The following PRKDC variants were observed in gnomAD, a reference collection of about 807,000 sequenced individuals.
PRKDC encodes DNA-dependent protein kinase catalytic subunit.
A neutral mutation model predicts 486.9 loss-of-function variants in PRKDC; 82 were observed. The ratio of observed to expected loss-of-function variants is 0.17; its 90% CI spans 0.14 to 0.20. The LOEUF (loss-of-function observed/expected upper bound fraction) is 0.20, where lower values mean the gene tolerates loss of function less well. Among genes scored for constraint, PRKDC ranks in the 10% least tolerant of loss-of-function variants. The probability of loss-of-function intolerance (pLI) is 1.00; values close to 1 mark genes in which losing one functional copy is unlikely to be tolerated. For synonymous variants in PRKDC, 1,895 were observed against 1,837.0 expected (o/e 1.03, Z -0.81); for missense variants, 4,504 against 5,038.2 (o/e 0.89, Z 3.21).
chr8:47,880,723 G>A (rs2089195346), intron 38 of PRKDC, among the ~76,000 whole-genome samples: 2 of 152,032 alleles, frequency 1.3e-5, no homozygotes, highest in South Asian at 4.1e-4. Flanking sequence ...AAACACAAAT[G>A]TTAATTCATC....
At position 47,863,476 on chromosome 8, in the gene PRKDC, A is replaced by C. The variant is rs1461664725; in HGVS notation, c.5673T>G (p.Ala1891=). Residue 1891 remains alanine, a synonymous_variant, in exon 42 of 86, where the codon GCT becomes GCG. Coordinates refer to ENST00000314191, the MANE Select transcript of PRKDC (RefSeq NM_006904.7). ...AAACTTGATTAATTTTTGATTCCTT[A>C]GCATGAACATCATCTTTGGGAAGGC... ...YSRLPKDDVH[A]KESKINQVFH... is the part of the protein sequence containing the mutation. The C allele has an allele frequency of 6.2e-7, 1 of 1,612,176 alleles. No homozygotes were observed. Among genetic ancestry groups the C allele is most frequent in the African/African-American group, 1.3e-5 (1 of 74,890 alleles).
chr8:47,789,142 T>C lies in PRKDC; in HGVS notation c.10758+9A>G. Reference sequence around the variant, plus strand: ...ATGTTTTATGTGCCAGAAGCCGTTCTATCATTACCTTAAAGAGCAGTTCAG... The same window carrying C: ...ATGTTTTATGTGCCAGAAGCCGTTCCATCATTACCTTAAAGAGCAGTTCAG... On this transcript the variant is annotated intron_variant, in intron 75 of 85. Coordinates refer to ENST00000314191, the MANE Select transcript of PRKDC (RefSeq NM_006904.7). 6.2e-7 allele frequency: 1 copy of C among 1,613,098 alleles called. No homozygotes were observed. Among genetic ancestry groups the C allele is most frequent in the Non-Finnish European group, 8.5e-7 (1 of 1,179,330 alleles).
chr8:47,819,541 T>G, intron 66 of PRKDC, 31 bp from the exon 67 acceptor site: 1 of 1,110,114 alleles, frequency 9.0e-7, no homozygotes, highest in Non-Finnish European at 1.3e-6. Flanking sequence ...AAAAGGGCAT[T>G]TACAAATGCC....
chr8:47,926,881 A>C (rs2090165729), intron 21 of PRKDC: 1 of 199,168 alleles, frequency 5.0e-6, no homozygotes, highest in South Asian at 1.8e-4. Flanking sequence ...TTATTCAACA[A>C]GTTTTTTTTG....
chr8:47,943,359 C>A lies in PRKDC; in HGVS notation c.816G>T (p.Leu272Phe). ...LKRYAVPSAG[L>F]RLFALHASQF... ...GAGATGCATGCAGGGCAAATAGGCG[C>A]AAGCCAGCTGCAAATGCAAATGCCA... Residue 272 changes from leucine to phenylalanine, a missense_variant, in exon 10 of 86, where the codon TTG becomes TTT. By Grantham distance (22) the Leu-to-Phe change is conservative. Around this residue, in one of 6 missense-constraint regions of PRKDC, gnomAD observed 1,969 missense variants for 2,068.9 expected, o/e 0.95. Transcript: ENST00000314191. 6.3e-7 allele frequency: 1 copy of A among 1,599,750 alleles called. No homozygotes were observed. The highest frequency in any genetic ancestry group is 8.5e-7 in the Non-Finnish European group (1 of 1,174,742).
chr8:47,837,282 T>A lies in PRKDC; in HGVS notation c.7691A>T (p.Glu2564Val). 3 of 1,613,948 alleles carry A rather than the reference T, an allele frequency of 1.9e-6. No homozygotes were observed. Among genetic ancestry groups the A allele is most frequent in the Non-Finnish European group, 2.5e-6 (3 of 1,179,860 alleles). ...ATAATCTGGGCTCATGCTGGTCATTTCGAGCAGAAAATTTGTTGCTAAACT... is the reference window on the plus strand; with the variant it reads ...ATAATCTGGGCTCATGCTGGTCATTACGAGCAGAAAATTTGTTGCTAAACT... ...FLSLATNFLL[E>V]MTSMSPDYPN... The change falls in exon 57 of 86, where the codon GAA (glutamate) becomes GTA (valine). Residue 2564 changes from glutamate (E) to valine (V), a missense_variant. Physicochemically the swap from Glu to Val is moderately radical, Grantham distance 121. Around this residue, in one of 6 missense-constraint regions of PRKDC, gnomAD observed 1,592 missense variants for 1,724.6 expected, o/e 0.92. Coordinates refer to ENST00000314191, the MANE Select transcript of PRKDC (RefSeq NM_006904.7).
intron 35 of PRKDC, 48 bp downstream of exon 35, chr8:47,887,499 G>A (rs940625332): frequency 1.4e-6 from 2 of 1,452,406 alleles, no homozygotes; most frequent in Non-Finnish European, 9.1e-7. Flanking sequence ...AGTGACATAT[G>A]TATTTCTATT....
In PRKDC at chr8:47,900,486, G is replaced by T. The variant is rs768355732; in HGVS notation, c.3270-19C>A. 6.4e-7 allele frequency: 1 copy of T among 1,567,182 alleles called. No individual in the cohort carries two copies. Among genetic ancestry groups the T allele is most frequent in the Non-Finnish European group, 8.7e-7 (1 of 1,149,028 alleles). Reference sequence around the variant, plus strand: ...TTCTTCCCTGTAAAATAAAGAATAGGAAACCTCACCTAAGAAAACAATAAA... The same window carrying T: ...TTCTTCCCTGTAAAATAAAGAATAGTAAACCTCACCTAAGAAAACAATAAA... On this transcript the variant is annotated intron_variant, in intron 27 of 85. Coordinates refer to ENST00000314191, the MANE Select transcript of PRKDC (RefSeq NM_006904.7).
At chr8:47,855,767 C>G (rs1012692122) in intron 49 of PRKDC, among the ~76,000 whole-genome samples, 2 of 152,218 alleles carry the variant, frequency 1.3e-5, no homozygotes. Context: ...CTCAGCTCTT[C>G]CCTATAAAAC....
intron 7 of PRKDC, among the ~76,000 whole-genome samples, chr8:47,948,591 C>T (rs1358606961): frequency 1.3e-5 from 2 of 150,862 alleles, no homozygotes; most frequent in African/African-American, 2.4e-5. Context: ...TCCTGAGTAG[C>T]TGGGATTACA....
rs2089946578 is a variant in PRKDC, at chr8:47,913,888, A to G, written c.2781+13T>C. On this transcript the variant is annotated intron_variant, in intron 24 of 85. Transcript: ENST00000314191. ...AGGATCTAAATAATGGGTGAAATGA[A>G]AAATAGAAGTACTTTAGTTTGTCTG... 6.3e-7 allele frequency: 1 copy of G among 1,587,480 alleles called. No individual in the cohort carries two copies.
intron 24 of PRKDC, among the ~76,000 whole-genome samples, chr8:47,913,675 G>A (rs2089942900): frequency 6.6e-6 from 1 of 152,204 alleles, no homozygotes; most frequent in Non-Finnish European, 1.5e-5. Context: ...TTACAGGCAT[G>A]AGCCACCATG....
At chr8:47,836,009 C>A (rs1047923607) in intron 58 of PRKDC, among the ~76,000 whole-genome samples, 1 of 152,158 alleles carries the variant, frequency 6.6e-6, no homozygotes, top group South Asian at 2.1e-4. Context: ...CTCAACTGAT[C>A]CTCCTGCCCC....
intron 10 of PRKDC, among the ~76,000 whole-genome samples, chr8:47,942,749 G>C (rs1389969616): frequency 6.6e-6 from 1 of 152,202 alleles, no homozygotes; most frequent in Non-Finnish European, 1.5e-5. Flanking sequence ...GACCAGACAA[G>C]CTTCCACATA....
intron 80 of PRKDC, among the ~76,000 whole-genome samples, chr8:47,780,661 C>T (rs938370910): frequency 3.3e-5 from 5 of 152,100 alleles, no homozygotes; most frequent in South Asian, 2.1e-4. Context: ...AACTGTAGGC[C>T]GGGCGCAGTG....
intron 7 of PRKDC, 82 bp from the exon 8 acceptor site, chr8:47,944,111 T>A: frequency 1.8e-6 from 2 of 1,088,620 alleles, no homozygotes; most frequent in Non-Finnish European, 2.7e-6. Context: ...GACACCTATA[T>A]TAACCCCATT....
chr8:47,818,504 G>A lies in PRKDC; in HGVS notation c.9445+898C>T, dbSNP rs563664432. 2.4e-4 allele frequency among the ~76,000 whole-genome samples: 36 copies of A among 150,436 alleles called. No homozygotes were observed. The East Asian group carries it at 3.6e-3, about 15-fold the overall frequency. ...TGAGGCAGGAGAATGGCATGAACCC[G>A]GGAGGCAGAGCTTGCAGTGAGCCGA... On this transcript the variant is annotated intron_variant, in intron 67 of 85. Coordinates refer to ENST00000314191, the MANE Select transcript of PRKDC (RefSeq NM_006904.7).
chr8:47,954,463 T>C lies in PRKDC; in HGVS notation c.400-17A>G. The C allele has an allele frequency of 9.3e-7, 1 of 1,075,298 alleles. No homozygotes were observed. Among genetic ancestry groups the C allele is most frequent in the Non-Finnish European group, 1.3e-6 (1 of 763,434 alleles). 66.6% of individuals were successfully genotyped at this position (1,075,298 alleles called of 1,614,324 possible). On this transcript the variant is annotated splice_polypyrimidine_tract_variant and intron_variant, in intron 4 of 85. Transcript: ENST00000314191. The stretch of plus-strand genomic sequence containing the variant: ...CTGAAGTAACTAAAAGAATACAAAT[T>C]AGTACATCAATGTAGTGCGGGAATC...
chr8:47,809,589 G>A (rs192111997), intron 68 of PRKDC, among the ~76,000 whole-genome samples: 1 of 152,228 alleles, frequency 6.6e-6, no homozygotes, highest in Non-Finnish European at 1.5e-5. Flanking sequence ...ATTAAACAAA[G>A]GCAGAGAAGA....
Sources: gnomAD v4.1 joint callset for allele counts (sites outside exome capture counted in the v4.1 genomes callset) on GRCh38, gnomAD v4.1.1 for gene constraint, gnomAD v4.1.1 regional missense constraint, MANE v1.5 for transcripts, NCBI Gene and HGNC (gene_info 2026-07-23, HGNC 2026-07-21) for gene names.